Variants in PSMG2 observed in about 807,000 individuals in gnomAD.
PSMG2 encodes CD40 ligand-activated specific transcript 3.
Under a neutral mutation model 31.5 loss-of-function variants are expected in PSMG2, and 21 were observed. That is an observed-to-expected ratio of 0.67 (90% CI 0.47 to 0.96). The LOEUF (loss-of-function observed/expected upper bound fraction) is 0.96, where lower values mean the gene tolerates loss of function less well. Ranked by LOEUF, PSMG2 falls within the 40% of genes least tolerant of loss-of-function variation. The pLI, the probability that PSMG2 is intolerant of heterozygous loss-of-function variation, is 0.00. For missense variants in PSMG2, 318 were observed against 321.2 expected, an observed-to-expected ratio of 0.99 and a Z score of 0.08; for synonymous variants, 120 against 110.4, an observed-to-expected ratio of 1.09 and a Z score of -0.54.
At chr18:12,664,448 G>T (rs938412586) in intron 1 of PSMG2, among the ~76,000 whole-genome samples, 7 of 151,976 alleles carry the variant, frequency 4.6e-5, no homozygotes, top group Non-Finnish European at 1.0e-4. Flanking sequence ...TACTCAGGAG[G>T]CTGAGGCAGG....
At chr18:12,718,053 G>A (rs1439070879) in intron 3 of PSMG2, among the ~76,000 whole-genome samples, 1 of 143,670 alleles carries the variant, frequency 7.0e-6, no homozygotes, top group Non-Finnish European at 1.5e-5. Flanking sequence ...CGGTTCCCCC[G>A]GCTGGAGTGC....
At chr18:12,669,995 C>CAA (rs112045361) in intron 1 of PSMG2, among the ~76,000 whole-genome samples, 59 of 129,024 alleles carry the variant, frequency 4.6e-4, no homozygotes, top group African/African-American at 1.1e-3. Flanking sequence ...CAAACTGTCT[C>CAA]AAAAAAAAAA....
upstream of PSMG2, chr18:12,699,136 A>G (rs771934165): frequency 2.5e-6 from 4 of 1,614,020 alleles, no homozygotes; most frequent in African/African-American, 5.3e-5. Context: ...GTTCTTGCAG[A>G]TGTTCCAAGA....
chr18:12,687,305 T>C (rs1424885705), intron 1 of PSMG2, among the ~76,000 whole-genome samples: 1 of 152,090 alleles, frequency 6.6e-6, no homozygotes, highest in African/African-American at 2.4e-5. Context: ...AACATCTTTT[T>C]CCAATATAGT....
At chr18:12,686,990 A>G (rs969594158) in intron 1 of PSMG2, among the ~76,000 whole-genome samples, 18 of 152,330 alleles carry the variant, frequency 1.2e-4, no homozygotes, top group African/African-American at 4.1e-4. Flanking sequence ...AAAACACTCT[A>G]GAAAAAGTTT....
chr18:12,665,399 T>C (rs2038783261), intron 1 of PSMG2, among the ~76,000 whole-genome samples: 1 of 152,110 alleles, frequency 6.6e-6, no homozygotes, highest in African/African-American at 2.4e-5. Flanking sequence ...ATATGTATAC[T>C]TGTGCTTTTC....
chr18:12,702,057 C>T (rs796638668), upstream of PSMG2, among the ~76,000 whole-genome samples: 6 of 152,214 alleles, frequency 3.9e-5, no homozygotes, highest in South Asian at 6.2e-4. Context: ...ACCTGGGAGG[C>T]GGAGGTTGCA....
chr18:12,676,815 G>T (rs904648708), intron 1 of PSMG2, among the ~76,000 whole-genome samples: 1 of 152,092 alleles, frequency 6.6e-6, no homozygotes, highest in Non-Finnish European at 1.5e-5. Flanking sequence ...AATATTTAGA[G>T]GCCAAAGCTA....
intron 1 of PSMG2, chr18:12,691,573 C>T (rs891914540): frequency 3.2e-6 from 3 of 942,550 alleles, no homozygotes; most frequent in African/African-American, 1.7e-5. Context: ...TACTTCTCTA[C>T]ATCATTACCA....
intron 1 of PSMG2, among the ~76,000 whole-genome samples, chr18:12,697,572 G>C (rs1236514179): frequency 6.6e-6 from 1 of 152,204 alleles, no homozygotes; most frequent in African/African-American, 2.4e-5. Flanking sequence ...TACAAGTACA[G>C]TCCTATTTCT....
upstream of PSMG2, among the ~76,000 whole-genome samples, chr18:12,701,309 T>G (rs1399794843): frequency 2.0e-5 from 3 of 152,176 alleles, no homozygotes; most frequent in African/African-American, 7.2e-5. Flanking sequence ...TCTGGCACCT[T>G]TGTTACCATT....
chr18:12,675,578 G>C (rs988540162), intron 1 of PSMG2, among the ~76,000 whole-genome samples: 1 of 152,082 alleles, frequency 6.6e-6, no homozygotes, highest in African/African-American at 2.4e-5. Flanking sequence ...TACTGTAAGA[G>C]ATAAAAAGAT....
upstream of PSMG2, among the ~76,000 whole-genome samples, chr18:12,698,477 A>AT (rs2040038991): frequency 1.3e-5 from 2 of 151,910 alleles, no homozygotes; most frequent in African/African-American, 2.4e-5. Flanking sequence ...CCTATTTTTT[A>AT]TTTTTTGTAG....
chr18:12,709,409 C>G (rs1047358619), intron 2 of PSMG2, among the ~76,000 whole-genome samples: 1 of 151,980 alleles, frequency 6.6e-6, no homozygotes, highest in African/African-American at 2.4e-5. Context: ...TCACTGCAAC[C>G]TCTGCCTCCT....
At chr18:12,690,462 GT>G (rs35616464) in intron 1 of PSMG2, among the ~76,000 whole-genome samples, 15 of 146,698 alleles carry the variant, frequency 1.0e-4, no homozygotes, top group Admixed American at 2.1e-4. Context: ...ATTTTTTGTT[GT>G]TTTTTTTTTT....
At chr18:12,703,203 G>A (rs2040217070) in intron 1 of PSMG2, 39 bp downstream of exon 1, 2 of 1,574,108 alleles carry the variant, frequency 1.3e-6, no homozygotes, top group African/African-American at 1.4e-5. Flanking sequence ...CGCCTCCCGA[G>A]GCCCCTGCGG....
intron 1 of PSMG2, among the ~76,000 whole-genome samples, chr18:12,675,382 C>T (rs1301974499): frequency 1.3e-5 from 2 of 151,416 alleles, no homozygotes; most frequent in African/African-American, 2.4e-5. Flanking sequence ...GGCAACAGAG[C>T]GAGACTCTGT....
chr18:12,677,782 AAATATGTG>A (rs2039196141), intron 1 of PSMG2, among the ~76,000 whole-genome samples: 1 of 152,198 alleles, frequency 6.6e-6, no homozygotes, highest in Non-Finnish European at 1.5e-5. Context: ...TTTAAGGGGC[AAATATGTG>A]AATAAGCATT....
At chr18:12,697,162 A>G in intron 1 of PSMG2, 1 of 1,194,804 alleles carries the variant, frequency 8.4e-7, no homozygotes, top group Non-Finnish European at 1.2e-6. Flanking sequence ...AAGATATAAA[A>G]TATATTTACA....
Sources: gnomAD v4.1 joint callset for allele counts (sites outside exome capture counted in the v4.1 genomes callset) on GRCh38, gnomAD v4.1.1 for gene constraint, MANE v1.5 for transcripts, NCBI Gene and HGNC (gene_info 2026-07-23, HGNC 2026-07-21) for gene names.